The following SMG6 variants were observed in gnomAD, a reference collection of about 807,000 sequenced individuals.
The protein encoded by SMG6 is SMG6 nonsense mediated mRNA decay factor.
In SMG6, 66 loss-of-function variants were observed where a neutral mutation model predicts 142.2. That is an observed-to-expected ratio of 0.46 (90% CI 0.38 to 0.57). SMG6 has a LOEUF of 0.57. SMG6 is among the 20% of genes least tolerant of loss of function. The probability of loss-of-function intolerance (pLI) is 0.00; values close to 1 mark genes in which losing one functional copy is unlikely to be tolerated. For synonymous variants in SMG6, 779 were observed against 702.4 expected (o/e 1.11, Z -1.72); for missense variants, 1,793 against 1,832.0 (o/e 0.98, Z 0.39).
intron 13 of SMG6, among the ~76,000 whole-genome samples, chr17:2,152,394 TAGTCTC>T (rs2070853761): frequency 1.3e-5 from 2 of 152,192 alleles, no homozygotes; most frequent in Non-Finnish European, 2.9e-5. Context: ...AGTCAAAACT[TAGTCTC>T]TAAAGTGAAA....
intron 4 of SMG6, among the ~76,000 whole-genome samples, chr17:2,294,109 G>C (rs1446860186): frequency 6.6e-6 from 1 of 152,170 alleles, no homozygotes; most frequent in African/African-American, 2.4e-5. Flanking sequence ...AGAAGATACT[G>C]ACCCCTCAGG....
At position 2,297,951 on chromosome 17, in the gene SMG6, A is replaced by G. The variant is rs762162389; in HGVS notation, c.1952T>C (p.Val651Ala). ...GACAAGTTGCCTGAACTTCTCAATC[A>G]CCTGATAGAAAGCATTCTTCCACAG... ...QILWKNAFYQVIEKFRQLVKD... is the reference protein window; with the variant it reads ...QILWKNAFYQAIEKFRQLVKD... Residue 651 changes from valine (V) to alanine (A), a missense_variant, in exon 3 of 19, where the codon GTG (valine) becomes GCG (alanine). Physicochemically the swap from Val to Ala is moderately conservative, Grantham distance 64. Around this residue, in one of 3 missense-constraint regions of SMG6, gnomAD observed 1,597 missense variants for 1,584.6 expected, o/e 1.01. Coordinates refer to ENST00000263073, the MANE Select transcript of SMG6 (RefSeq NM_017575.5). 6.2e-7 allele frequency: 1 copy of G among 1,613,412 alleles called. No individual in the cohort carries two copies. The highest frequency in any genetic ancestry group is 1.3e-5 in the African/African-American group (1 of 75,020).
At chr17:2,187,614 G>A (rs1452452760) in intron 11 of SMG6, among the ~76,000 whole-genome samples, 2 of 152,122 alleles carry the variant, frequency 1.3e-5, no homozygotes, top group Non-Finnish European at 1.5e-5. Flanking sequence ...AAAGACGAAC[G>A]TAAGCCCATA....
rs966401651 is a variant in SMG6, at chr17:2,257,844, CTACAAAAAAA to C, written c.2662-13135_2662-13126del. Among the ~76,000 whole-genome samples, 5 of 151,312 alleles carry C rather than the reference CTACAAAAAAA, an allele frequency of 3.3e-5. No homozygotes were observed. In the Admixed American group the frequency reaches 3.3e-4, roughly 10 times the overall value. On this transcript the variant is annotated intron_variant, in intron 8 of 18. Coordinates refer to ENST00000263073, the MANE Select transcript of SMG6 (RefSeq NM_017575.5). ...CTGACCAAATGGCGAAACCCCATCT[CTACAAAAAAA>C]TACAAAAATTAGCTGATGGTGGCAC...
At chr17:2,298,591 G>A (rs1342892683) in intron 2 of SMG6, among the ~76,000 whole-genome samples, 6 of 151,864 alleles carry the variant, frequency 4.0e-5, no homozygotes, top group Admixed American at 2.0e-4. Flanking sequence ...GGTGGCAGGC[G>A]CCTGTAGTCC....
intron 13 of SMG6, among the ~76,000 whole-genome samples, chr17:2,116,573 C>T (rs1280496157): frequency 6.6e-6 from 1 of 151,936 alleles, no homozygotes; most frequent in Admixed American, 6.6e-5. Flanking sequence ...TGGTGAAACC[C>T]CGTCTCTACT....
intron 13 of SMG6, among the ~76,000 whole-genome samples, chr17:2,148,012 A>G (rs1324172591): frequency 6.6e-6 from 1 of 152,120 alleles, no homozygotes; most frequent in African/African-American, 2.4e-5. Flanking sequence ...CAACATGGTG[A>G]AACCCCATCT....
At chr17:2,228,892 C>T (rs1360761211) in intron 10 of SMG6, among the ~76,000 whole-genome samples, 2 of 152,198 alleles carry the variant, frequency 1.3e-5, no homozygotes, top group African/African-American at 4.8e-5. Flanking sequence ...TTACTTTATC[C>T]TTCTTTCAGA....
At chr17:2,277,165 ATTTTTTAT>A (rs1183478578) in intron 8 of SMG6, among the ~76,000 whole-genome samples, 8,433 of 62,980 alleles carry the variant, frequency 0.13, 344 homozygotes, top group Middle Eastern at 0.23. Context: ...TTATTTATTT[ATTTTTTAT>A]TTTTTTTTTT....
intron 8 of SMG6, among the ~76,000 whole-genome samples, chr17:2,249,163 G>A (rs1222453815): frequency 1.3e-5 from 2 of 152,086 alleles, no homozygotes; most frequent in South Asian, 4.2e-4. Context: ...AAAGTGCTGG[G>A]ATTACAGGCG....
In SMG6 at chr17:2,201,868, A is replaced by T. The variant is rs561715778; in HGVS notation, c.2870-13353T>A. ...GTGAAACCCCATCTCTACTAAAAATACAAAAATCAGCCGGGCATGGTGGCA... is the reference window on the plus strand; with the variant it reads ...GTGAAACCCCATCTCTACTAAAAATTCAAAAATCAGCCGGGCATGGTGGCA... On this transcript the variant is annotated intron_variant, in intron 10 of 18. Transcript: ENST00000263073. Among the ~76,000 whole-genome samples, 5 of 151,908 alleles carry T rather than the reference A, an allele frequency of 3.3e-5. No homozygotes were observed. In the South Asian group the frequency reaches 1.0e-3, roughly 32 times the overall value.
chr17:2,121,446 T>C (rs1415621850), intron 13 of SMG6, among the ~76,000 whole-genome samples: 1 of 152,116 alleles, frequency 6.6e-6, no homozygotes, highest in Non-Finnish European at 1.5e-5. Flanking sequence ...GGTTCTAAAA[T>C]AGGCAAATCT....
chr17:2,165,095 C>T (rs1383710038), intron 13 of SMG6, among the ~76,000 whole-genome samples: 2 of 152,190 alleles, frequency 1.3e-5, no homozygotes, highest in African/African-American at 4.8e-5. Context: ...GAGGTAGACA[C>T]AGACCACCAC....
intron 18 of SMG6, 155 bp from the exon 19 acceptor site, chr17:2,061,777 GCCCCGGGGACCCT>G: frequency 1.1e-6 from 1 of 871,670 alleles, no homozygotes; most frequent in South Asian, 1.7e-5. Flanking sequence ...CGGGCTCTCA[GCCCCGGGGACCCT>G]CCCCTGCTGG....
intron 13 of SMG6, among the ~76,000 whole-genome samples, chr17:2,144,846 T>C (rs1434642530): frequency 2.0e-5 from 3 of 152,118 alleles, no homozygotes; most frequent in Admixed American, 6.6e-5. Context: ...ATCCCAGCTT[T>C]AGGCAGGGCC....
At chr17:2,120,819 A>C (rs2069665527) in intron 13 of SMG6, among the ~76,000 whole-genome samples, 1 of 152,206 alleles carries the variant, frequency 6.6e-6, no homozygotes, top group Non-Finnish European at 1.5e-5. Context: ...TACCAGAAAG[A>C]GGATGTGAAG....
At chr17:2,074,161 G>A (rs2068193753) in intron 15 of SMG6, among the ~76,000 whole-genome samples, 1 of 151,580 alleles carries the variant, frequency 6.6e-6, no homozygotes, top group Non-Finnish European at 1.5e-5. Flanking sequence ...ACTGTAGCCT[G>A]AAACTCCCAG....
chr17:2,132,447 T>C (rs1350053002), intron 13 of SMG6, among the ~76,000 whole-genome samples: 1 of 152,062 alleles, frequency 6.6e-6, no homozygotes, highest in Non-Finnish European at 1.5e-5. Context: ...TCTCACTGAG[T>C]TGTCTATGGG....
chr17:2,123,292 G>C (rs1283902934), intron 13 of SMG6, among the ~76,000 whole-genome samples: 2 of 152,188 alleles, frequency 1.3e-5, no homozygotes, highest in Non-Finnish European at 2.9e-5. Flanking sequence ...ACCCAGGGGT[G>C]CTGTGTGCTG....
Sources: allele counts gnomAD v4.1 joint callset (sites outside exome capture counted in the v4.1 genomes callset), GRCh38; gene constraint gnomAD v4.1.1; regional missense constraint gnomAD v4.1.1; transcripts MANE v1.5; gene names NCBI Gene and HGNC (gene_info 2026-07-23, HGNC 2026-07-21).